The following LIN52 variants were observed in gnomAD, a reference collection of about 807,000 sequenced individuals.
LIN52 encodes protein lin-52 homolog.
A neutral mutation model predicts 18.5 loss-of-function variants in LIN52; 4 were observed. The ratio of observed to expected loss-of-function variants is 0.22; its 90% CI spans 0.11 to 0.49. The LOEUF (loss-of-function observed/expected upper bound fraction) is 0.49, where lower values mean the gene tolerates loss of function less well. Among genes scored for constraint, LIN52 ranks in the 20% least tolerant of loss-of-function variants. LIN52 has a pLI of 0.97. For synonymous variants in LIN52, 34 were observed against 45.5 expected (o/e 0.75, Z 1.02); for missense variants, 102 against 139.5 (o/e 0.73, Z 1.35).
chr14:74,098,327 T>C (rs1189184541), intron 4 of LIN52, among the ~76,000 whole-genome samples: 1 of 151,956 alleles, frequency 6.6e-6, no homozygotes, highest in Admixed American at 6.6e-5. Context: ...GAGACCAGAC[T>C]GACCAATATA....
At chr14:74,143,071 A>C (rs151190283) in intron 5 of LIN52, among the ~76,000 whole-genome samples, 104 of 151,972 alleles carry the variant, frequency 6.8e-4, no homozygotes, top group African/African-American at 2.2e-3. Flanking sequence ...GAGCATACAC[A>C]AATCAGTTCC....
intron 5 of LIN52, among the ~76,000 whole-genome samples, chr14:74,196,083 C>A (rs2078910497): frequency 6.6e-6 from 1 of 152,158 alleles, no homozygotes; most frequent in African/African-American, 2.4e-5. Context: ...AAAACTTTCT[C>A]TCCTCCCATG....
At chr14:74,143,040 A>T (rs1329037957) in intron 5 of LIN52, among the ~76,000 whole-genome samples, 2 of 151,792 alleles carry the variant, frequency 1.3e-5, no homozygotes, top group African/African-American at 4.8e-5. Flanking sequence ...CTTACTATAG[A>T]TAGACTATGG....
intron 5 of LIN52, among the ~76,000 whole-genome samples, chr14:74,179,673 A>G (rs2061309243): frequency 7.1e-6 from 1 of 140,002 alleles, no homozygotes. Context: ...AAAAAAAGAA[A>G]AAAAAGAAAA....
At chr14:74,089,933 C>T (rs2060761456) in intron 1 of LIN52, among the ~76,000 whole-genome samples, 1 of 151,624 alleles carries the variant, frequency 6.6e-6, no homozygotes, top group African/African-American at 2.4e-5. Flanking sequence ...AGGGCGAGCA[C>T]TTTTGGGCTC....
chr14:74,133,574 T>TA (rs1341835142), intron 5 of LIN52, among the ~76,000 whole-genome samples: 1 of 152,238 alleles, frequency 6.6e-6, no homozygotes, highest in African/African-American at 2.4e-5. Flanking sequence ...GAAAAATAAG[T>TA]ATCTCCAGAA....
intron 5 of LIN52, among the ~76,000 whole-genome samples, chr14:74,110,096 A>T (rs1300327802): frequency 6.6e-6 from 1 of 152,196 alleles, no homozygotes. Context: ...TAAATAAGGT[A>T]ACACTGAATA....
At chr14:74,101,104 AC>A in intron 4 of LIN52, 50 bp from the exon 5 acceptor site, 1 of 1,454,326 alleles carries the variant, frequency 6.9e-7, no homozygotes, top group Non-Finnish European at 9.6e-7. Context: ...GGAAGTTGCT[AC>A]TAGAGAAGAG....
At chr14:74,147,916 C>T (rs1478531052) in intron 5 of LIN52, among the ~76,000 whole-genome samples, 1 of 152,136 alleles carries the variant, frequency 6.6e-6, no homozygotes, top group Non-Finnish European at 1.5e-5. Context: ...CTTAATGCCA[C>T]ACTAAACTGT....
chr14:74,126,430 C>T (rs1046164246), intron 5 of LIN52, among the ~76,000 whole-genome samples: 10 of 152,160 alleles, frequency 6.6e-5, no homozygotes, highest in African/African-American at 2.4e-4. Flanking sequence ...AATGCTTCTA[C>T]ACAAATGTTC....
intron 4 of LIN52, among the ~76,000 whole-genome samples, chr14:74,099,028 T>C (rs2060836100): frequency 6.6e-6 from 1 of 152,208 alleles, no homozygotes; most frequent in Admixed American, 6.5e-5. Flanking sequence ...GTGAATATTG[T>C]TGTTTGATAA....
intron 5 of LIN52, among the ~76,000 whole-genome samples, chr14:74,143,322 G>T (rs1188839022): frequency 2.0e-5 from 3 of 152,256 alleles, no homozygotes; most frequent in Admixed American, 6.5e-5. Flanking sequence ...GGCCAAGGTG[G>T]GAGGATCACT....
chr14:74,127,632 G>A (rs1217749850), intron 5 of LIN52, among the ~76,000 whole-genome samples: 1 of 152,192 alleles, frequency 6.6e-6, no homozygotes, highest in African/African-American at 2.4e-5. Flanking sequence ...AATAAAGTAG[G>A]AAGTCATTGC....
chr14:74,123,967 T>A (rs1273344390), intron 5 of LIN52, among the ~76,000 whole-genome samples: 1 of 152,226 alleles, frequency 6.6e-6, no homozygotes, highest in African/African-American at 2.4e-5. Flanking sequence ...ATAATGCCTC[T>A]TAATGAGCTG....
At chr14:74,107,188 A>C (rs965117525) in intron 5 of LIN52, among the ~76,000 whole-genome samples, 4 of 152,214 alleles carry the variant, frequency 2.6e-5, no homozygotes, top group African/African-American at 9.6e-5. Context: ...ATGACAGTGG[A>C]TGGTCAACAG....
chr14:74,186,738 C>T (rs1468131837), intron 5 of LIN52, among the ~76,000 whole-genome samples: 1 of 152,152 alleles, frequency 6.6e-6, no homozygotes, highest in Non-Finnish European at 1.5e-5. Context: ...GTGGCTCACG[C>T]CTGTAATCTA....
intron 2 of LIN52, among the ~76,000 whole-genome samples, chr14:74,092,042 G>C (rs2060775410): frequency 6.6e-6 from 1 of 151,466 alleles, no homozygotes; most frequent in Non-Finnish European, 1.5e-5. Flanking sequence ...GGTGCACTCG[G>C]GTCACTGCAT....
intron 5 of LIN52, among the ~76,000 whole-genome samples, chr14:74,104,533 C>G (rs2060884747): frequency 1.3e-5 from 2 of 149,882 alleles, no homozygotes; most frequent in Non-Finnish European, 3.0e-5. Context: ...ACATGTTCAC[C>G]TATCCCTTTT....
intron 5 of LIN52, among the ~76,000 whole-genome samples, chr14:74,185,484 T>G (rs1231226533): frequency 6.6e-6 from 1 of 151,826 alleles, no homozygotes; most frequent in African/African-American, 2.4e-5. Context: ...TGGCTAATTT[T>G]TTGTATTTTT....
Sources: allele counts gnomAD v4.1 joint callset (sites outside exome capture counted in the v4.1 genomes callset), GRCh38; gene constraint gnomAD v4.1.1; transcripts MANE v1.5; gene names NCBI Gene and HGNC (gene_info 2026-07-23, HGNC 2026-07-21).